Variants in SND1 observed in about 807,000 individuals in gnomAD.
The protein encoded by SND1 is staphylococcal nuclease domain-containing protein 1.
Under a neutral mutation model 121.7 loss-of-function variants are expected in SND1, and 38 were observed. The ratio of observed to expected loss-of-function variants is 0.31; its 90% CI spans 0.24 to 0.41. SND1 has a LOEUF of 0.41. Among genes scored for constraint, SND1 ranks in the 10% least tolerant of loss-of-function variants. The pLI, the probability that SND1 is intolerant of heterozygous loss-of-function variation, is 1.00. For synonymous variants in SND1, 401 were observed against 447.4 expected (o/e 0.90, Z 1.31); for missense variants, 868 against 1,184.6 (o/e 0.73, Z 3.92).
chr7:127,733,095 C>G (rs1796708438), intron 10 of SND1, among the ~76,000 whole-genome samples: 1 of 152,138 alleles, frequency 6.6e-6, no homozygotes, highest in East Asian at 1.9e-4. Flanking sequence ...TTCTCTCTCT[C>G]TCTTCCCTCC....
chr7:128,065,141 G>T (rs1383554065), intron 16 of SND1, among the ~76,000 whole-genome samples: 2 of 152,264 alleles, frequency 1.3e-5, no homozygotes, highest in African/African-American at 4.8e-5. Flanking sequence ...AGGAAATCGG[G>T]AAGGTGATGA....
intron 15 of SND1, among the ~76,000 whole-genome samples, chr7:127,975,007 A>C (rs1167450793): frequency 6.6e-6 from 1 of 152,184 alleles, no homozygotes; most frequent in East Asian, 1.9e-4. Flanking sequence ...GCACTTTGTG[A>C]ATTGCAGAGG....
intron 6 of SND1, 68 bp downstream of exon 6, chr7:127,702,594 C>A: frequency 1.6e-6 from 2 of 1,274,872 alleles, no homozygotes; most frequent in South Asian, 2.4e-5. Context: ...GATTCTTCTA[C>A]TTGGGGACTT....
At chr7:127,888,933 ATT>A (rs1459486802) in intron 13 of SND1, among the ~76,000 whole-genome samples, 1 of 152,084 alleles carries the variant, frequency 6.6e-6, no homozygotes, top group Non-Finnish European at 1.5e-5. Context: ...AGATTTTGTC[ATT>A]GAGATCACTT....
In SND1 at chr7:128,029,431, G is replaced by C. The variant is rs369406229; in HGVS notation, c.1779+38375G>C. On this transcript the variant is annotated intron_variant, in intron 16 of 23. Coordinates refer to ENST00000354725, the MANE Select transcript of SND1 (RefSeq NM_014390.4). The surrounding 1 kb of genome is among the most constrained non-coding windows in gnomAD (Gnocchi z 4.2). The stretch of plus-strand genomic sequence containing the variant: ...GAAAAGTTCAAGGTGCCGTCGTTGA[G>C]GACAGAGATCCTTGGGTGGCGGGAG... 2 of 1,614,112 alleles carry C rather than the reference G, an allele frequency of 1.2e-6. No individual in the cohort carries two copies. The highest frequency in any genetic ancestry group is 1.7e-6 in the Non-Finnish European group (2 of 1,180,048).
chr7:127,666,381 G>A (rs971865151), intron 1 of SND1, among the ~76,000 whole-genome samples: 1 of 152,142 alleles, frequency 6.6e-6, no homozygotes, highest in African/African-American at 2.4e-5. Context: ...GAGCTGAAAG[G>A]CAATGTAGAG....
intron 12 of SND1, among the ~76,000 whole-genome samples, chr7:127,879,288 T>A (rs1201047028): frequency 6.6e-6 from 1 of 152,156 alleles, no homozygotes; most frequent in Non-Finnish European, 1.5e-5. Context: ...TGAAAGAACA[T>A]GGATGTTAGA....
chr7:128,007,690 A>G (rs1039330900), intron 16 of SND1, among the ~76,000 whole-genome samples: 7 of 152,232 alleles, frequency 4.6e-5, no homozygotes, highest in African/African-American at 1.4e-4. Flanking sequence ...AACAAACTAA[A>G]ATAGAGCTTT....
At chr7:128,010,538 G>A (rs78619772) in intron 16 of SND1, among the ~76,000 whole-genome samples, 232 of 152,318 alleles carry the variant, frequency 1.5e-3, no homozygotes, top group Non-Finnish European at 2.7e-3. Context: ...CTTCCAGTGA[G>A]TCTAGTTACC....
At chr7:127,783,717 AT>A (rs1797763289) in intron 10 of SND1, among the ~76,000 whole-genome samples, 1 of 152,184 alleles carries the variant, frequency 6.6e-6, no homozygotes, top group Non-Finnish European at 1.5e-5. Context: ...AGAAAAAAAA[AT>A]TCTCTTTAAT....
chr7:127,990,683 G>A (rs747260376), intron 15 of SND1, among the ~76,000 whole-genome samples: 8 of 152,120 alleles, frequency 5.3e-5, no homozygotes, highest in East Asian at 1.9e-4. Flanking sequence ...GGCTCCTTTC[G>A]CCATGTGCTC....
chr7:127,757,298 T>A (rs571306036), intron 10 of SND1, among the ~76,000 whole-genome samples: 5 of 152,350 alleles, frequency 3.3e-5, no homozygotes, highest in Non-Finnish European at 7.3e-5. Flanking sequence ...TTCCATTGTT[T>A]CAATAAACTA....
At chr7:127,656,977 G>A (rs984462968) in intron 1 of SND1, among the ~76,000 whole-genome samples, 5 of 152,178 alleles carry the variant, frequency 3.3e-5, no homozygotes, top group African/African-American at 1.2e-4. Context: ...TTTTAATCAA[G>A]ATTGTAAGTA....
intron 16 of SND1, among the ~76,000 whole-genome samples, chr7:128,018,255 G>C (rs569821186): frequency 5.3e-5 from 8 of 152,320 alleles, no homozygotes; most frequent in Admixed American, 1.3e-4. Flanking sequence ...CATCGGAGCT[G>C]TATGGGGTCC....
chr7:127,960,131 G>A (rs574626160), intron 15 of SND1, among the ~76,000 whole-genome samples: 3 of 152,262 alleles, frequency 2.0e-5, no homozygotes, highest in East Asian at 3.9e-4. Flanking sequence ...TGCTTCTGTC[G>A]CTGCTTTCCC....
chr7:127,768,259 C>G (rs533534692), intron 10 of SND1, among the ~76,000 whole-genome samples: 1 of 152,108 alleles, frequency 6.6e-6, no homozygotes, highest in Non-Finnish European at 1.5e-5. Context: ...CTATCTTGTT[C>G]ACTGTTCATT....
At chr7:128,013,408 G>T (rs754714309) in intron 16 of SND1, among the ~76,000 whole-genome samples, 5 of 152,230 alleles carry the variant, frequency 3.3e-5, no homozygotes, top group Non-Finnish European at 7.3e-5. Flanking sequence ...GCAAACTAAT[G>T]AATATGTGAA....
chr7:127,705,744 G>A (rs891281090), intron 8 of SND1, among the ~76,000 whole-genome samples: 4 of 152,134 alleles, frequency 2.6e-5, no homozygotes, highest in South Asian at 2.1e-4. Flanking sequence ...CACCTTGCAT[G>A]ACACATTTAA....
At chr7:127,716,256 G>A (rs941915349) in intron 9 of SND1, among the ~76,000 whole-genome samples, 1 of 152,144 alleles carries the variant, frequency 6.6e-6, no homozygotes, top group African/African-American at 2.4e-5. Flanking sequence ...TCATCACTGG[G>A]ATTTTGATAA....
Sources: gnomAD v4.1 joint callset for allele counts (sites outside exome capture counted in the v4.1 genomes callset) on GRCh38, gnomAD v4.1.1 for gene constraint, Gnocchi (gnomAD v3.1) non-coding constraint, MANE v1.5 for transcripts, NCBI Gene and HGNC (gene_info 2026-07-23, HGNC 2026-07-21) for gene names.